The following MAP4K2 variants were observed in gnomAD, a reference collection of about 807,000 sequenced individuals.
MAP4K2 encodes mitogen-activated protein kinase kinase kinase kinase 2.
In MAP4K2, 85 loss-of-function variants were observed where a neutral mutation model predicts 125.3. The observed-to-expected ratio is 0.68, with a 90% CI of 0.57 to 0.81. MAP4K2 has a LOEUF of 0.81. Among genes scored for constraint, MAP4K2 ranks in the 40% least tolerant of loss-of-function variants. The probability of loss-of-function intolerance (pLI) is 0.00; values close to 1 mark genes in which losing one functional copy is unlikely to be tolerated. For missense variants in MAP4K2, 923 were observed against 1,056.4 expected (o/e 0.87, Z 1.75); for synonymous variants, 479 against 445.1 (o/e 1.08, Z -0.96).
At chr11:64,796,460 G>A (rs781111851) in intron 23 of MAP4K2, 33 bp downstream of exon 23, 105 of 1,613,616 alleles carry the variant, frequency 6.5e-5, no homozygotes, top group Non-Finnish European at 8.1e-5. Flanking sequence ...GAGCCCCTGC[G>A]GACCCTGCCT....
intron 24 of MAP4K2, among the ~76,000 whole-genome samples, chr11:64,793,483 T>C (rs1940620967): frequency 6.6e-6 from 1 of 152,188 alleles, no homozygotes; most frequent in Non-Finnish European, 1.5e-5. Flanking sequence ...AGAGGGGCCG[T>C]TGCCTTGGCC....
chr11:64,802,758 T>G lies in MAP4K2; in HGVS notation c.155-105A>C. On this transcript the variant is annotated intron_variant, in intron 2 of 31. Coordinates refer to ENST00000294066, the MANE Select transcript of MAP4K2 (RefSeq NM_004579.5). ...AGTGCCTCCCTCCGGGCCAGGCAGGTGCAGGTGACAGCACCTCCCGGGGCA... is the reference window on the plus strand; with the variant it reads ...AGTGCCTCCCTCCGGGCCAGGCAGGGGCAGGTGACAGCACCTCCCGGGGCA... 3 of 1,463,578 alleles carry G rather than the reference T, an allele frequency of 2.0e-6. No individual in the cohort carries two copies. In the Admixed American group the frequency reaches 5.7e-5, roughly 28 times the overall value. The allele number at this position is 1,463,578 out of a possible 1,614,324, so 90.7% of individuals were successfully genotyped here. A position where few individuals can be genotyped will look rare whatever the true frequency, so the allele number is the denominator to read the frequency against.
At chr11:64,800,242 C>G (rs1941080184) in intron 11 of MAP4K2, 26 bp from the exon 12 acceptor site, 2 of 1,612,088 alleles carry the variant, frequency 1.2e-6, no homozygotes, top group African/African-American at 2.7e-5. Flanking sequence ...GGGGGGTGAT[C>G]AGGTTGGCCC....
intron 27 of MAP4K2, 125 bp downstream of exon 27, chr11:64,791,784 T>A: frequency 9.4e-7 from 1 of 1,064,952 alleles, no homozygotes; most frequent in South Asian, 1.9e-5. Context: ...ATGGCAGCCC[T>A]CAAGGTCTCT....
chr11:64,802,534 C>CT, intron 3 of MAP4K2, 29 bp downstream of exon 3: 1 of 1,583,960 alleles, frequency 6.3e-7, no homozygotes, highest in South Asian at 1.2e-5. Context: ...TGGGGGCTGC[C>CT]TGGGGCCAGG....
chr11:64,794,393 T>A (rs1940668730), intron 24 of MAP4K2, among the ~76,000 whole-genome samples: 2 of 151,670 alleles, frequency 1.3e-5, no homozygotes, highest in African/African-American at 2.4e-5. Context: ...GGAGTCTTGC[T>A]CTGTTGCCCA....
At chr11:64,795,020 G>A (rs1026726589) in intron 24 of MAP4K2, among the ~76,000 whole-genome samples, 2 of 151,674 alleles carry the variant, frequency 1.3e-5, no homozygotes, top group Admixed American at 6.6e-5. Flanking sequence ...AGCCTCCTGA[G>A]TGGCTGGGAC....
intron 5 of MAP4K2, 106 bp downstream of exon 5, chr11:64,801,960 G>A: frequency 7.8e-7 from 1 of 1,287,508 alleles, no homozygotes; most frequent in Non-Finnish European, 1.1e-6. Context: ...AGCCCCTCGG[G>A]CCAGCCCCAC....
At position 64,800,822 on chromosome 11, in the gene MAP4K2, G is replaced by C; in HGVS notation, c.667C>G (p.Leu223Val). The change falls in exon 10 of 32, where the codon CTG (leucine) becomes GTG (valine). Residue 223 changes from leucine (L) to valine (V), a missense_variant. Transcript: ENST00000294066. Reference protein sequence around the residue: ...PLFHLHPMRALMLMSKSSFQP... With the variant: ...PLFHLHPMRAVMLMSKSSFQP... ...AAGCTGCTCTTCGACATGAGCATCA[G>C]GGCCCTGTGGAGGGCGCGAGGTCAG... The C allele has an allele frequency of 1.9e-6, 3 of 1,612,710 alleles. No individual in the cohort carries two copies. Among genetic ancestry groups the C allele is most frequent in the Non-Finnish European group, 2.5e-6 (3 of 1,179,478 alleles).
At chr11:64,791,081 A>G (rs1283030019) in intron 27 of MAP4K2, among the ~76,000 whole-genome samples, 1 of 152,236 alleles carries the variant, frequency 6.6e-6, no homozygotes, top group East Asian at 1.9e-4. Context: ...GGTTGCAGTG[A>G]GCCGAGATCG....
At chr11:64,790,906 C>T (rs1483205437) in intron 27 of MAP4K2, among the ~76,000 whole-genome samples, 3 of 152,160 alleles carry the variant, frequency 2.0e-5, no homozygotes, top group East Asian at 1.9e-4. Flanking sequence ...GAGGCCGAAG[C>T]GGGTGGATCA....
chr11:64,800,233 G>A lies in MAP4K2; in HGVS notation c.808-17C>T, dbSNP rs776005154. 103 of 1,612,294 alleles carry A rather than the reference G, an allele frequency of 6.4e-5. 1 individual carries two copies. Among genetic ancestry groups the A allele is most frequent in the Non-Finnish European group, 8.6e-5 (101 of 1,179,626 alleles). Reference sequence around the variant, plus strand: ...GAACGGGTGCTGGAAAGTGGGGGAGGGGGGTGATCAGGTTGGCCCCTGATC... The same window carrying A: ...GAACGGGTGCTGGAAAGTGGGGGAGAGGGGTGATCAGGTTGGCCCCTGATC... On this transcript the variant is annotated splice_polypyrimidine_tract_variant and intron_variant, in intron 11 of 31. Coordinates refer to ENST00000294066, the MANE Select transcript of MAP4K2 (RefSeq NM_004579.5).
intron 16 of MAP4K2, 22 bp downstream of exon 16, chr11:64,797,604 C>A: frequency 6.3e-7 from 1 of 1,578,100 alleles, no homozygotes. Flanking sequence ...CCTTGCCCCT[C>A]CCCCAGGCCC....
chr11:64,800,740 C>A (rs1941113388), intron 10 of MAP4K2, 24 bp downstream of exon 10: 1 of 1,585,636 alleles, frequency 6.3e-7, no homozygotes, highest in South Asian at 1.1e-5. Context: ...AAAGGGGGTC[C>A]CGGCAGCAGG....
chr11:64,790,075 C>G, intron 29 of MAP4K2, 113 bp downstream of exon 29: 1 of 1,533,398 alleles, frequency 6.5e-7, no homozygotes. Flanking sequence ...CAGGATGGCT[C>G]AGGAGAGGGG....
At position 64,789,935 on chromosome 11, in the gene MAP4K2, G is replaced by A. The variant is rs1363088801; in HGVS notation, c.2273C>T (p.Ala758Val). 1 of 1,613,552 alleles carries A rather than the reference G, an allele frequency of 6.2e-7. No homozygotes were observed. The highest frequency in any genetic ancestry group is 8.5e-7 in the Non-Finnish European group (1 of 1,179,960). The change falls in exon 30 of 32, where the codon GCC (alanine) becomes GTC (valine). Residue 758 changes from alanine to valine, a missense_variant. Transcript: ENST00000294066. Reference sequence around the variant, plus strand: ...GCCTTGCATCCCATGGCTCCAGAAGGCCAGCACACTGTCCTGCAGGCACAC... The same window carrying A: ...GCCTTGCATCCCATGGCTCCAGAAGACCAGCACACTGTCCTGCAGGCACAC... ...TVVCLQDSVL[A>V]FWSHGMQGRS...
chr11:64,803,204 C>A lies in MAP4K2; in HGVS notation c.-55G>T. 1 of 713,948 alleles carries A rather than the reference C, an allele frequency of 1.4e-6. No individual in the cohort carries two copies. The highest frequency in any genetic ancestry group is 6.0e-5 in the South Asian group (1 of 16,574). 44.2% of individuals were successfully genotyped at this position (713,948 alleles called of 1,614,324 possible). On this transcript the variant is annotated 5_prime_UTR_variant, in exon 1 of 32. Coordinates refer to ENST00000294066, the MANE Select transcript of MAP4K2 (RefSeq NM_004579.5). ...GCGGGCGCGAGCTGCGGAGCCGGCG[C>A]GGGGCGGCGCGGGGCGGGGCGGGCG...
intron 2 of MAP4K2, 71 bp downstream of exon 2, chr11:64,802,814 C>G: frequency 6.5e-7 from 1 of 1,531,518 alleles, no homozygotes; most frequent in East Asian, 2.4e-5. Flanking sequence ...AACGTCAACC[C>G]TCCGCCCGCA....
Position 64,800,165 on chromosome 11 carries a change from C to T in MAP4K2, c.859G>A (p.Asp287Asn). Residue 287 changes from aspartate (D) to asparagine (N), a missense_variant, in exon 12 of 32, where the codon GAC becomes AAC. Around this residue, in one of 2 missense-constraint regions of MAP4K2, gnomAD observed 833 missense variants for 911.4 expected, o/e 0.91. Transcript: ENST00000294066. Reference sequence around the variant, plus strand: ...CCCAGATGAGGGTCACTGGCTTTGTCCAGCAGCTGTGTGAGGAGGGCCCGA... The same window carrying T: ...CCCAGATGAGGGTCACTGGCTTTGTTCAGCAGCTGTGTGAGGAGGGCCCGA... ...LPRALLTQLL[D>N]KASDPHLGTP... is the part of the protein sequence containing the mutation. 7 of 1,613,184 alleles carry T rather than the reference C, an allele frequency of 4.3e-6. No homozygotes were observed. The highest frequency in any genetic ancestry group is 5.9e-6 in the Non-Finnish European group (7 of 1,179,720).
Sources: gnomAD v4.1 joint callset for allele counts (sites outside exome capture counted in the v4.1 genomes callset) on GRCh38, gnomAD v4.1.1 for gene constraint, gnomAD v4.1.1 regional missense constraint, MANE v1.5 for transcripts, NCBI Gene and HGNC (gene_info 2026-07-23, HGNC 2026-07-21) for gene names.